Variants in CSMD2 observed in about 807,000 individuals in gnomAD.
The protein encoded by CSMD2 is CUB and sushi domain-containing protein 2.
A neutral mutation model predicts 398.5 loss-of-function variants in CSMD2; 130 were observed. The ratio of observed to expected loss-of-function variants is 0.33; its 90% confidence interval spans 0.28 to 0.38. CSMD2 has a LOEUF of 0.38. Among genes scored for constraint, CSMD2 ranks in the 10% least tolerant of loss-of-function variants. CSMD2 has a pLI of 1.00. For missense variants in CSMD2, 3,829 were observed against 4,764.9 expected, an observed-to-expected ratio of 0.80 and a Z score of 5.78; for synonymous variants, 1,828 against 1,908.5, an observed-to-expected ratio of 0.96 and a Z score of 1.10.
intron 64 of CSMD2, among the ~76,000 whole-genome samples, chr1:33,528,358 A>G (rs1654964705): frequency 6.6e-6 from 1 of 152,366 alleles, no homozygotes; most frequent in Non-Finnish European, 1.5e-5. Flanking sequence ...GCAGAGAAAC[A>G]ATAGAAAATC....
chr1:33,743,121 T>G (rs1165155522), intron 14 of CSMD2, among the ~76,000 whole-genome samples, 159 bp downstream of exon 14: 1 of 152,168 alleles, frequency 6.6e-6, no homozygotes, highest in African/African-American at 2.4e-5. Flanking sequence ...TGCCCTTTCT[T>G]GGTCATGCTG....
At chr1:34,019,306 A>T (rs930361645) in intron 3 of CSMD2, among the ~76,000 whole-genome samples, 1 of 152,022 alleles carries the variant, frequency 6.6e-6, no homozygotes, top group Non-Finnish European at 1.5e-5. Context: ...CACCCACATC[A>T]CTCACAACTG....
intron 6 of CSMD2, among the ~76,000 whole-genome samples, chr1:33,829,295 T>C (rs1337850481): frequency 6.6e-6 from 1 of 152,208 alleles, no homozygotes; most frequent in Non-Finnish European, 1.5e-5. Context: ...GATCCTTCAC[T>C]GAGGGGTAAG....
At position 33,797,981 on chromosome 1, in the gene CSMD2, C is replaced by T. The variant is rs576690813; in HGVS notation, c.1447-5455G>A. Among the ~76,000 whole-genome samples the T allele has an allele frequency of 3.3e-5, 5 of 152,298 alleles. No homozygotes were observed. In the East Asian group the frequency reaches 7.7e-4, roughly 24 times the overall value. On this transcript the variant is annotated intron_variant, in intron 10 of 70. Transcript: ENST00000373381. Reference sequence around the variant, plus strand: ...TGATGTGAACCACATTTCAGAGTGCCGACCCTGATGCAGGAGCTAATTACA... The same window carrying T: ...TGATGTGAACCACATTTCAGAGTGCTGACCCTGATGCAGGAGCTAATTACA...
At chr1:33,643,423 C>G (rs1643225047) in intron 29 of CSMD2, among the ~76,000 whole-genome samples, 1 of 152,202 alleles carries the variant, frequency 6.6e-6, no homozygotes, top group Non-Finnish European at 1.5e-5. Context: ...CCCTTCCAAA[C>G]AAAGGCACAA....
chr1:33,519,716 G>C lies in CSMD2; in HGVS notation c.10737-39C>G. On this transcript the variant is annotated intron_variant, in intron 69 of 70. Transcript: ENST00000373381. This position sits in a 1 kb window ranked among gnomAD's most constrained non-coding sequence, Gnocchi z 5.6. ...AGGAAGTGCCCACGGCATGAAAAGA[G>C]CGACACAGAGAGGCTTAGGGGTCTG... 1 of 1,613,772 alleles carries C rather than the reference G, an allele frequency of 6.2e-7. No homozygotes were observed. The highest frequency in any genetic ancestry group is 8.5e-7 in the Non-Finnish European group (1 of 1,179,832).
intron 1 of CSMD2, among the ~76,000 whole-genome samples, chr1:34,130,320 C>T (rs531240597): frequency 6.7e-4 from 92 of 136,494 alleles, no homozygotes; most frequent in Middle Eastern, 0.01. Context: ...AGGGTAAGAG[C>T]GAACTGTTTG....
At position 33,636,229 on chromosome 1, in the gene CSMD2, C is replaced by G; in HGVS notation, c.4969+131G>C. On this transcript the variant is annotated intron_variant, in intron 30 of 70. Coordinates refer to ENST00000373381, the MANE Select transcript of CSMD2 (RefSeq NM_001281956.2). This position sits in a 1 kb window ranked among gnomAD's most constrained non-coding sequence, Gnocchi z 4.8. ...CACTTCTATACACATCCACGGCAAA[C>G]CCAGGTTTGCCAGGCTTGGAGGAGC... 1 of 832,342 alleles carries G rather than the reference C, an allele frequency of 1.2e-6. No homozygotes were observed. The highest frequency in any genetic ancestry group is 1.9e-6 in the Non-Finnish European group (1 of 538,818). The allele number at this position is 832,342 out of a possible 1,614,324, so 51.6% of individuals were successfully genotyped here.
chr1:34,082,537 G>C (rs946462612), intron 2 of CSMD2, among the ~76,000 whole-genome samples: 1 of 150,490 alleles, frequency 6.6e-6, no homozygotes, highest in African/African-American at 2.4e-5. Context: ...GGGGTGGGGG[G>C]GCCCCTCTGC....
chr1:33,901,079 TATCTGCAAGA>T (rs1642725792), intron 5 of CSMD2, among the ~76,000 whole-genome samples: 7 of 152,216 alleles, frequency 4.6e-5, no homozygotes. Context: ...TCAGTTTCTT[TATCTGCAAGA>T]TGGGTATGCC....
In CSMD2 at chr1:33,820,588, A is replaced by AAAC. The variant is rs371046549; in HGVS notation, c.1112-33_1112-32insGTT. 932 of 917,852 alleles carry AAAC rather than the reference A, an allele frequency of 1.0e-3. 26 individuals are homozygous for AAAC. Among genetic ancestry groups the AAAC allele is most frequent in the South Asian group, 3.9e-3 (226 of 58,304 alleles). 56.9% of individuals were successfully genotyped at this position (917,852 alleles called of 1,614,324 possible). On this transcript the variant is annotated intron_variant, in intron 7 of 70. Transcript: ENST00000373381. Reference sequence around the variant, plus strand: ...GGCAAAAAAAAAAAAAAAAAAAAAAACAGCACACACAGAGATGGACAGTCA... The same window carrying AAAC: ...GGCAAAAAAAAAAAAAAAAAAAAAAAAACCAGCACACACAGAGATGGACAGTCA...
intron 13 of CSMD2, among the ~76,000 whole-genome samples, chr1:33,750,510 C>T (rs560898934): frequency 6.6e-6 from 1 of 152,274 alleles, no homozygotes; most frequent in South Asian, 2.1e-4. Flanking sequence ...CAGGCCAGTA[C>T]CAGAGCTCAA....
intron 13 of CSMD2, among the ~76,000 whole-genome samples, chr1:33,769,334 A>T (rs991616982): frequency 1.3e-5 from 2 of 152,352 alleles, no homozygotes; most frequent in Middle Eastern, 6.8e-3. Context: ...AATCCAATGC[A>T]TGGTGCTCAG....
chr1:33,542,082 A>T (rs959328014), intron 58 of CSMD2, among the ~76,000 whole-genome samples: 2 of 152,158 alleles, frequency 1.3e-5, no homozygotes, highest in African/African-American at 2.4e-5. Flanking sequence ...TTTCAGAGGG[A>T]GTCGAAATCA....
At chr1:33,991,678 A>C (rs1646557894) in intron 3 of CSMD2, among the ~76,000 whole-genome samples, 1 of 152,200 alleles carries the variant, frequency 6.6e-6, no homozygotes, top group Non-Finnish European at 1.5e-5. Flanking sequence ...ATCTGGTGAA[A>C]CACCACGGGG....
intron 13 of CSMD2, among the ~76,000 whole-genome samples, chr1:33,744,303 A>G (rs1647193631): frequency 6.6e-6 from 1 of 152,198 alleles, no homozygotes; most frequent in Admixed American, 6.5e-5. Context: ...AACATTTTTG[A>G]TGGAAAAATG....
intron 44 of CSMD2, among the ~76,000 whole-genome samples, chr1:33,597,486 G>A (rs1171046443): frequency 6.6e-6 from 1 of 152,176 alleles, no homozygotes; most frequent in African/African-American, 2.4e-5. Context: ...CACAGAGCAG[G>A]AAGCATGAAC....
At chr1:34,062,766 C>T (rs1654660966) in intron 2 of CSMD2, among the ~76,000 whole-genome samples, 1 of 152,168 alleles carries the variant, frequency 6.6e-6, no homozygotes, top group South Asian at 2.1e-4. Flanking sequence ...TCTCTGATGC[C>T]ACAACTGACA....
chr1:33,668,441 T>A (rs1461975971), intron 25 of CSMD2, among the ~76,000 whole-genome samples: 1 of 152,190 alleles, frequency 6.6e-6, no homozygotes, highest in East Asian at 1.9e-4. Context: ...AAACCTTTGA[T>A]GATGGCCAGT....
Sources: allele counts gnomAD v4.1 joint callset (sites outside exome capture counted in the v4.1 genomes callset), GRCh38; gene constraint gnomAD v4.1.1; non-coding constraint Gnocchi (gnomAD v3.1); transcripts MANE v1.5; gene names NCBI Gene and HGNC (gene_info 2026-07-23, HGNC 2026-07-21).